Variants in ABHD17A observed in about 807,000 individuals in gnomAD.
ABHD17A encodes alpha/beta hydrolase domain-containing protein 17A.
ABHD17A carries 10 observed loss-of-function variants against 26.8 expected under a neutral mutation model. The ratio of observed to expected loss-of-function variants is 0.37; its 90% confidence interval spans 0.23 to 0.63. The LOEUF is 0.63. Ranked by LOEUF, ABHD17A falls within the 30% of genes least tolerant of loss-of-function variation. ABHD17A has a pLI of 0.61. For synonymous variants in ABHD17A, 167 were observed against 210.9 expected (o/e 0.79, Z 1.80); for missense variants, 292 against 457.3 (o/e 0.64, Z 3.30).
At position 1,880,296 on chromosome 19, in the gene ABHD17A, T is replaced by C. The variant is rs1395419432; in HGVS notation, c.333-181A>G. ...GGGAGGCTACGACAGCACAGCTCCA[T>C]CTCCGAGGGTTCCCCATGGGGAGAG... On this transcript the variant is annotated intron_variant, in intron 2 of 4. Coordinates refer to ENST00000292577, the MANE Select transcript of ABHD17A (RefSeq NM_001130111.2). This position sits in a 1 kb window ranked among gnomAD's most constrained non-coding sequence, Gnocchi z 4.1. Among the ~76,000 whole-genome samples, 4 of 152,130 alleles carry C rather than the reference T, an allele frequency of 2.6e-5. No homozygotes were observed. The highest frequency in any genetic ancestry group is 5.9e-5 in the Non-Finnish European group (4 of 67,998).
At chr19:1,881,088 C>A in intron 2 of ABHD17A, 147 bp downstream of exon 2, 1 of 1,578,862 alleles carries the variant, frequency 6.3e-7, no homozygotes. Flanking sequence ...GCCGGCCTGA[C>A]GGGGGATACC....
chr19:1,877,269 C>T lies in ABHD17A; in HGVS notation c.864G>A (p.Glu288=), dbSNP rs1434571157. ...GGCGCTCCAGGTACTGGCTGTAGAG[C>T]TCGATGTCGTTGTGCCCGGCGCCCT... ...WVEGAGHNDI[E]LYSQYLERLR... The change falls in exon 5 of 5, where the codon GAG becomes GAA. Residue 288 remains glutamate, a synonymous_variant. Transcript: ENST00000292577. 15 of 1,543,512 alleles carry T rather than the reference C, an allele frequency of 9.7e-6. No homozygotes were observed. The highest frequency in any genetic ancestry group is 1.3e-5 in the Non-Finnish European group (15 of 1,149,910).
At position 1,879,929 on chromosome 19, in the gene ABHD17A, C is replaced by T. The variant is rs1366557209; in HGVS notation, c.519G>A (p.Leu173=). 4 of 1,608,398 alleles carry T rather than the reference C, an allele frequency of 2.5e-6. No homozygotes were observed. The Admixed American group carries it at 6.8e-5, about 27-fold the overall frequency. Residue 173 remains leucine (L), a synonymous_variant, in exon 3 of 5, where the codon CTG becomes CTA. Transcript: ENST00000292577. The surrounding 1 kb of genome is among the most constrained non-coding windows in gnomAD (Gnocchi z 7.6). Reference sequence around the variant, plus strand: ...CCCAGGGTCGCCCTCACCTGGTGCGCAGGGCCTGCCAGGCGGCGTCGATGT... The same window carrying T: ...CCCAGGGTCGCCCTCACCTGGTGCGTAGGGCCTGCCAGGCGGCGTCGATGT... The part of the protein sequence containing the change: ...YADIDAAWQA[L]RTRYGISPDS...
intron 1 of ABHD17A, 118 bp from the exon 2 acceptor site, chr19:1,881,922 T>C (rs2012551340): frequency 8.4e-6 from 2 of 238,438 alleles, no homozygotes; most frequent in Non-Finnish European, 1.6e-5. Flanking sequence ...GGCCTGTCAG[T>C]CCCCATCCCC....
At position 1,879,708 on chromosome 19, in the gene ABHD17A, G is replaced by T; in HGVS notation, c.527+213C>A. 1.7e-6 allele frequency: 1 copy of T among 586,004 alleles called. No homozygotes were observed. The highest frequency in any genetic ancestry group is 3.0e-6 in the Non-Finnish European group (1 of 328,786). 36.3% of individuals were successfully genotyped at this position (586,004 alleles called of 1,614,324 possible). ...AGGGAACCTGGCTCCACAGGCCAGG[G>T]TGTGGGAGGACCGCCTGGCCACACC... On this transcript the variant is annotated intron_variant, in intron 3 of 4. Coordinates refer to ENST00000292577, the MANE Select transcript of ABHD17A (RefSeq NM_001130111.2). The surrounding 1 kb of genome is among the most constrained non-coding windows in gnomAD (Gnocchi z 7.6).
rs1011384847 is a variant in ABHD17A at position 1,876,921 on chromosome 19, G to A, written c.*279C>T. 3 of 468,166 alleles carry A rather than the reference G, an allele frequency of 6.4e-6. No homozygotes were observed. Among genetic ancestry groups the A allele is most frequent in the Non-Finnish European group, 1.2e-5 (3 of 259,734 alleles). 29.0% of individuals were successfully genotyped at this position (468,166 alleles called of 1,614,324 possible). On this transcript the variant is annotated 3_prime_UTR_variant, in exon 5 of 5. Coordinates refer to ENST00000292577, the MANE Select transcript of ABHD17A (RefSeq NM_001130111.2). ...CCTGGGAACCCCGGCCCCCTTTCGAGCTCGCTGAGCGCTCGAGAGAGTGAG... is the reference window on the plus strand; with the variant it reads ...CCTGGGAACCCCGGCCCCCTTTCGAACTCGCTGAGCGCTCGAGAGAGTGAG...
rs527950813 is a variant in ABHD17A, at chr19:1,881,501, G to A, written c.66C>T (p.Ile22=). The A allele has an allele frequency of 2.2e-5, 35 of 1,604,486 alleles. No individual in the cohort carries two copies. The highest frequency in any genetic ancestry group is 1.5e-4 in the Admixed American group (9 of 59,884). ...LFCCPPCPGR[I]AAKLAFLPPE... ...GCGGCAGGAAGGCGAGCTTGGCAGCGATGCGGCCGGGGCAGGGCGGGCAGC... is the reference window on the plus strand; with the variant it reads ...GCGGCAGGAAGGCGAGCTTGGCAGCAATGCGGCCGGGGCAGGGCGGGCAGC... Residue 22 remains isoleucine (I), a synonymous_variant, in exon 2 of 5, where the codon ATC becomes ATT. Transcript: ENST00000292577.
intron 1 of ABHD17A, chr19:1,882,068 C>G (rs997314671): frequency 1.3e-5 from 2 of 156,222 alleles, no homozygotes; most frequent in Non-Finnish European, 2.8e-5. Context: ...GTGAGTACAG[C>G]CATGGCATGC....
intron 1 of ABHD17A, 74 bp downstream of exon 1, chr19:1,885,278 G>C (rs1425788106): frequency 6.6e-6 from 1 of 151,858 alleles, no homozygotes; most frequent in Non-Finnish European, 1.5e-5. Flanking sequence ...CGTCCAACCG[G>C]GCTGTCAGGC....
chr19:1,879,632 A>G lies in ABHD17A; in HGVS notation c.527+289T>C, dbSNP rs528083983. The G allele has an allele frequency of 1.8e-4, 88 of 498,436 alleles. No individual in the cohort carries two copies. Among genetic ancestry groups the G allele is most frequent in the African/African-American group, 1.5e-3 (76 of 51,298 alleles). The allele number at this position is 498,436 out of a possible 1,614,324, so 30.9% of individuals were successfully genotyped here. A position where few individuals can be genotyped will look rare whatever the true frequency, so the allele number is the denominator to read the frequency against. The stretch of plus-strand genomic sequence containing the variant: ...CACTCCCTCCCGCCGGGTGGCATCC[A>G]CACCCCTGTGACAAGCTCAGCCCCT... On this transcript the variant is annotated intron_variant, in intron 3 of 4. Coordinates refer to ENST00000292577, the MANE Select transcript of ABHD17A (RefSeq NM_001130111.2). This position sits in a 1 kb window ranked among gnomAD's most constrained non-coding sequence, Gnocchi z 7.6.
rs1275042976 is a variant in ABHD17A, at chr19:1,876,885, CAG to C, written c.*313_*314del. The C allele has an allele frequency of 1.2e-5, 5 of 414,590 alleles. No individual in the cohort carries two copies. The highest frequency in any genetic ancestry group is 2.2e-5 in the Non-Finnish European group (5 of 226,324). 25.7% of individuals were successfully genotyped at this position (414,590 alleles called of 1,614,324 possible). Reference sequence around the variant, plus strand: ...TCCGTGCCGATCTCTCCTAGGGACTCAGGGACGAAACCTGGGAACCCCGGCCC... The same window carrying C: ...TCCGTGCCGATCTCTCCTAGGGACTCGGACGAAACCTGGGAACCCCGGCCC... On this transcript the variant is annotated 3_prime_UTR_variant, in exon 5 of 5. Coordinates refer to ENST00000292577, the MANE Select transcript of ABHD17A (RefSeq NM_001130111.2).
intron 1 of ABHD17A, among the ~76,000 whole-genome samples, 170 bp downstream of exon 1, chr19:1,885,182 C>A (rs1416318272): frequency 1.3e-5 from 2 of 152,134 alleles, no homozygotes; most frequent in Non-Finnish European, 2.9e-5. Context: ...TTCCCAATCA[C>A]AGACGCTCAT....
In ABHD17A at chr19:1,877,359, G is replaced by T. The variant is rs1423772640; in HGVS notation, c.774C>A (p.Ile258=). The T allele has an allele frequency of 3.2e-6, 5 of 1,546,918 alleles. No homozygotes were observed. Among genetic ancestry groups the T allele is most frequent in the South Asian group, 1.2e-5 (1 of 85,816 alleles). ...AGAGCGCCAGCCCGTGCGAGAAGTC[G>T]ATCACCTCGTCCTCCGTGCCGTGGA... ...LIIHGTEDEV[I]DFSHGLALYE... is the part of the protein sequence containing the mutation. The change falls in exon 5 of 5, where the codon ATC becomes ATA. Residue 258 remains isoleucine, a synonymous_variant. Transcript: ENST00000292577.
In ABHD17A at chr19:1,880,128, G is replaced by A. The variant is rs377727671; in HGVS notation, c.333-13C>T. On this transcript the variant is annotated splice_polypyrimidine_tract_variant and intron_variant, in intron 2 of 4. Coordinates refer to ENST00000292577, the MANE Select transcript of ABHD17A (RefSeq NM_001130111.2). The surrounding 1 kb of genome is among the most constrained non-coding windows in gnomAD (Gnocchi z 4.1). ...GAGGACCGTGTACCTGGGACAGGCC[G>A]AGAAGGGCCGTTCACATCCTCGCTC... The A allele has an allele frequency of 4.2e-5, 67 of 1,612,274 alleles. No individual in the cohort carries two copies. Among genetic ancestry groups the A allele is most frequent in the Non-Finnish European group, 5.2e-5 (61 of 1,179,760 alleles).
chr19:1,877,819 T>G (rs1344805020), intron 3 of ABHD17A, 132 bp from the exon 4 acceptor site: 1 of 696,330 alleles, frequency 1.4e-6, no homozygotes, highest in Non-Finnish European at 2.2e-6. Context: ...TGGGTCAGGC[T>G]CAGGCTCCAC....
rs2012495345 is a variant in ABHD17A, at chr19:1,880,569, G to T, written c.333-454C>A. ...CCCAGGGGAGCCCATGCTGCTGCTGGCAGGGCTATCTCCCCTCACCTCACA... is the reference window on the plus strand; with the variant it reads ...CCCAGGGGAGCCCATGCTGCTGCTGTCAGGGCTATCTCCCCTCACCTCACA... On this transcript the variant is annotated intron_variant, in intron 2 of 4. Transcript: ENST00000292577. This position sits in a 1 kb window ranked among gnomAD's most constrained non-coding sequence, Gnocchi z 4.1. Among the ~76,000 whole-genome samples the T allele has an allele frequency of 6.6e-6, 1 of 152,186 alleles. No individual in the cohort carries two copies. The highest frequency in any genetic ancestry group is 1.5e-5 in the Non-Finnish European group (1 of 68,018).
In ABHD17A at chr19:1,879,472, C is replaced by G. The variant is rs2012461389; in HGVS notation, c.527+449G>C. The G allele has an allele frequency of 4.1e-6, 1 of 245,046 alleles. No homozygotes were observed. The highest frequency in any genetic ancestry group is 8.2e-6 in the Non-Finnish European group (1 of 122,410). 15.2% of individuals were successfully genotyped at this position (245,046 alleles called of 1,614,324 possible). ...CCTGTAGGCCCTGCCCCAGGATGGC[C>G]AAGCTCCGCAGCCACAGGGCCTCAT... On this transcript the variant is annotated intron_variant, in intron 3 of 4. Coordinates refer to ENST00000292577, the MANE Select transcript of ABHD17A (RefSeq NM_001130111.2). The surrounding 1 kb of genome is among the most constrained non-coding windows in gnomAD (Gnocchi z 7.6).
rs1266652823 is a variant in ABHD17A, at chr19:1,877,538, T to C, written c.677A>G (p.Lys226Arg). ...SGMRVAFPDT[K>R]KTYCFDAFPN... ...GAAGGCGTCGAAGCAGTAGGTCTTC[T>C]TGGTGTCGGGGAAGGCGACGCGCAT... is the stretch of plus-strand genomic sequence containing the variant. The change falls in exon 4 of 5, where the codon AAG becomes AGG. Residue 226 changes from lysine (K) to arginine (R), a missense_variant. Around this residue, in one of 4 missense-constraint regions of ABHD17A, gnomAD observed 88 missense variants for 134.3 expected, o/e 0.66. Coordinates refer to ENST00000292577, the MANE Select transcript of ABHD17A (RefSeq NM_001130111.2). The C allele has an allele frequency of 2.5e-6, 4 of 1,595,168 alleles. No homozygotes were observed. The highest frequency in any genetic ancestry group is 3.4e-6 in the Non-Finnish European group (4 of 1,178,858).
rs763167174 is a variant in ABHD17A at position 1,880,868 on chromosome 19, C to T, written c.332+367G>A. On this transcript the variant is annotated intron_variant, in intron 2 of 4. Coordinates refer to ENST00000292577, the MANE Select transcript of ABHD17A (RefSeq NM_001130111.2). The surrounding 1 kb of genome is among the most constrained non-coding windows in gnomAD (Gnocchi z 4.1). ...CAGCCAGAAGGTAAAGGCTCGCCCT[C>T]TGGACTCAGATCTGGTCAGAACCCC... is the stretch of plus-strand genomic sequence containing the variant. 20 of 1,612,408 alleles carry T rather than the reference C, an allele frequency of 1.2e-5. 1 individual carries two copies. In the East Asian group the frequency reaches 4.0e-4, roughly 32 times the overall value.
Sources: allele counts gnomAD v4.1 joint callset (sites outside exome capture counted in the v4.1 genomes callset), GRCh38; gene constraint gnomAD v4.1.1; regional missense constraint gnomAD v4.1.1; non-coding constraint Gnocchi (gnomAD v3.1); transcripts MANE v1.5; gene names NCBI Gene and HGNC (gene_info 2026-07-23, HGNC 2026-07-21).